The following CCDC18 variants were observed in gnomAD, a reference collection of about 807,000 sequenced individuals.
CCDC18 encodes coiled-coil domain containing 18, also known as coiled-coil domain-containing protein 18.
A neutral mutation model predicts 196.0 loss-of-function variants in CCDC18; 157 were observed. The observed-to-expected ratio is 0.80, with a 90% confidence interval of 0.70 to 0.91. CCDC18 has a LOEUF of 0.91. CCDC18 is among the 40% of genes least tolerant of loss of function. CCDC18 has a pLI of 0.00. For synonymous variants in CCDC18, 482 were observed against 529.2 expected (o/e 0.91, Z 1.22); for missense variants, 1,465 against 1,611.6 (o/e 0.91, Z 1.56).
chr1:93,264,950 G>A (rs762951977), intron 27 of CCDC18, 49 bp downstream of exon 27: 2 of 1,324,312 alleles, frequency 1.5e-6, no homozygotes, highest in Non-Finnish European at 2.2e-6. Context: ...AAACATAAAT[G>A]TCTGACTTAT....
chr1:93,264,883 T>A lies in CCDC18; in HGVS notation c.3867T>A (p.Asn1289Lys). 5 of 1,608,782 alleles carry A rather than the reference T, an allele frequency of 3.1e-6. No homozygotes were observed. Among genetic ancestry groups the A allele is most frequent in the Middle Eastern group, 3.3e-4 (2 of 6,042 alleles). The stretch of plus-strand genomic sequence containing the variant: ...GGAATGAAGTAATTGAAGCTGCAAA[T>A]GAAGCATTACTTACTAAAGTAAGTA... Reference protein sequence around the residue: ...QDRNEVIEAANEALLTKESEL... With the variant: ...QDRNEVIEAAKEALLTKESEL... Residue 1289 changes from asparagine to lysine, a missense_variant, in exon 27 of 29, where the codon AAT becomes AAA. Transcript: ENST00000690025.
At chr1:93,242,225 G>A (rs930021576) in intron 21 of CCDC18, among the ~76,000 whole-genome samples, 1 of 152,150 alleles carries the variant, frequency 6.6e-6, no homozygotes, top group Non-Finnish European at 1.5e-5. Context: ...CTGAGACTGG[G>A]CAATTCACCA....
intron 6 of CCDC18, among the ~76,000 whole-genome samples, chr1:93,195,567 G>A: frequency 6.6e-6 from 1 of 152,158 alleles, no homozygotes; most frequent in South Asian, 2.1e-4. Flanking sequence ...TTGGGAGGTG[G>A]GGCATTTTAG....
intron 6 of CCDC18, among the ~76,000 whole-genome samples, chr1:93,194,688 C>G (rs998901525): frequency 6.6e-6 from 1 of 152,124 alleles, no homozygotes; most frequent in Non-Finnish European, 1.5e-5. Flanking sequence ...GTTAAATACT[C>G]TAGAATTCAC....
Position 93,205,614 on chromosome 1 carries a change from T to C in CCDC18, c.900T>C (p.Ile300=), listed in dbSNP as rs772258289. 75 of 1,592,392 alleles carry C rather than the reference T, an allele frequency of 4.7e-5. No individual in the cohort carries two copies. The highest frequency in any genetic ancestry group is 6.3e-5 in the Non-Finnish European group (74 of 1,172,052). ...GTCTATATAAAAGTGAACTTGAAAT[T>C]CTGAAAGAGAAATTAAGGTACAGTA... The part of the protein sequence containing the change: ...RCGLYKSELE[I]LKEKLRQLKE... Residue 300 remains isoleucine, a synonymous_variant, in exon 8 of 29, where the codon ATT becomes ATC. Transcript: ENST00000690025.
chr1:93,258,116 ATAAT>A (rs138503396), intron 25 of CCDC18, among the ~76,000 whole-genome samples: 4,373 of 151,050 alleles, frequency 0.029, 188 homozygotes, highest in Admixed American at 0.13. Flanking sequence ...TTAATTAATA[ATAAT>A]TAATTAAAAG....
At chr1:93,212,330 CTTTTA>C in intron 11 of CCDC18, 69 bp downstream of exon 11, 2 of 1,082,824 alleles carry the variant, frequency 1.8e-6, no homozygotes, top group Non-Finnish European at 2.5e-6. Context: ...TTTAAAAAAA[CTTTTA>C]TTTAAATTTT....
chr1:93,244,925 T>G (rs1417056428), intron 21 of CCDC18, among the ~76,000 whole-genome samples: 1 of 152,156 alleles, frequency 6.6e-6, no homozygotes, highest in Non-Finnish European at 1.5e-5. Flanking sequence ...TCCTTCACAT[T>G]ACTTCAGAGA....
intron 25 of CCDC18, 151 bp from the exon 26 acceptor site, chr1:93,258,597 T>G (rs1024954531): frequency 2.1e-5 from 11 of 515,556 alleles, no homozygotes; most frequent in Non-Finnish European, 3.5e-5. Context: ...AATGTCTAGA[T>G]TTTAAAGCAT....
intron 5 of CCDC18, among the ~76,000 whole-genome samples, chr1:93,192,494 A>G (rs1249616503): frequency 6.6e-6 from 1 of 152,222 alleles, no homozygotes; most frequent in Non-Finnish European, 1.5e-5. Flanking sequence ...GTGCAGTGGT[A>G]CAGTATGGCT....
intron 11 of CCDC18, 63 bp from the exon 12 acceptor site, chr1:93,214,680 T>C: frequency 3.5e-6 from 4 of 1,148,160 alleles, no homozygotes; most frequent in Admixed American, 4.2e-5. Flanking sequence ...ATCTTTCAAC[T>C]ATTTAAGTAG....
At chr1:93,210,431 A>G (rs1267073181) in intron 9 of CCDC18, among the ~76,000 whole-genome samples, 5 of 152,142 alleles carry the variant, frequency 3.3e-5, no homozygotes, top group Admixed American at 1.3e-4. Flanking sequence ...AGAAATGGCA[A>G]TTATTCTGAA....
chr1:93,232,968 C>T (rs1454734260), intron 18 of CCDC18, among the ~76,000 whole-genome samples: 3 of 150,474 alleles, frequency 2.0e-5, no homozygotes, highest in Non-Finnish European at 4.4e-5. Context: ...GAGACTCCGC[C>T]TAAAAAAAAA....
chr1:93,213,683 CATG>C (rs1173852350), intron 11 of CCDC18, among the ~76,000 whole-genome samples: 1 of 151,946 alleles, frequency 6.6e-6, no homozygotes, highest in Non-Finnish European at 1.5e-5. Flanking sequence ...TTGTGTCATT[CATG>C]ATGATCAGAG....
At position 93,217,727 on chromosome 1, in the gene CCDC18, T is replaced by C; in HGVS notation, c.1831-11T>C. The C allele has an allele frequency of 6.3e-7, 1 of 1,596,900 alleles. No individual in the cohort carries two copies. On this transcript the variant is annotated splice_polypyrimidine_tract_variant and intron_variant, in intron 13 of 28. Transcript: ENST00000690025. ...TCAATTATACTCCTTTAAAGTGTTTTGTGTTTCTAGGAAAAGAATGAAAAG... is the reference window on the plus strand; with the variant it reads ...TCAATTATACTCCTTTAAAGTGTTTCGTGTTTCTAGGAAAAGAATGAAAAG...
rs750303276 is a variant in CCDC18, at chr1:93,183,497, T to G, written c.134+2T>G. On this transcript the variant is annotated splice_donor_variant, in intron 2 of 28. Transcript: ENST00000690025. LOFTEE classifies it high-confidence loss of function. ...GAGTTTAGGGGAAGAGTTATCCAGG[T>G]AAGTAAGTAAAATCACATATAGAAT... The G allele has an allele frequency of 6.3e-7, 1 of 1,579,334 alleles. No individual in the cohort carries two copies. The highest frequency in any genetic ancestry group is 8.6e-7 in the Non-Finnish European group (1 of 1,164,132).
chr1:93,190,722 TAAAAC>T (rs949919924), intron 4 of CCDC18: 42 of 454,930 alleles, frequency 9.2e-5, no homozygotes, highest in African/African-American at 7.8e-4. Flanking sequence ...GTCTTCATAA[TAAAAC>T]AAAAGATAAC....
intron 16 of CCDC18, among the ~76,000 whole-genome samples, chr1:93,225,240 C>T (rs980485191): frequency 5.3e-5 from 8 of 152,132 alleles, no homozygotes; most frequent in African/African-American, 1.9e-4. Context: ...AGGAGCAAGA[C>T]AAGAATCTTA....
intron 6 of CCDC18, among the ~76,000 whole-genome samples, chr1:93,196,636 G>T (rs933417458): frequency 2.6e-5 from 4 of 152,126 alleles, no homozygotes; most frequent in African/African-American, 9.7e-5. Flanking sequence ...CATTTATCAG[G>T]AATTGTTAAG....
Sources: allele counts gnomAD v4.1 joint callset (sites outside exome capture counted in the v4.1 genomes callset), GRCh38; gene constraint gnomAD v4.1.1; transcripts MANE v1.5; gene names NCBI Gene and HGNC (gene_info 2026-07-23, HGNC 2026-07-21).